The following UBA2 variants were observed in gnomAD, a reference collection of about 807,000 sequenced individuals.
The protein encoded by UBA2 is ubiquitin like modifier activating enzyme 2.
In UBA2, 11 loss-of-function variants were observed where a neutral mutation model predicts 77.2. The observed-to-expected ratio is 0.14, with a 90% CI of 0.09 to 0.24. UBA2 has a LOEUF of 0.24. UBA2 is among the 10% of genes least tolerant of loss of function. UBA2 has a pLI of 1.00. For synonymous variants in UBA2, 278 were observed against 276.7 expected (o/e 1.00, Z -0.05); for missense variants, 487 against 781.7 (o/e 0.62, Z 4.50).
At chr19:34,462,422 C>G (rs1351871882) in intron 14 of UBA2, among the ~76,000 whole-genome samples, 1 of 152,016 alleles carries the variant, frequency 6.6e-6, no homozygotes, top group Non-Finnish European at 1.5e-5. Context: ...GTGATGGTTC[C>G]AAGAGGTTTG....
chr19:34,451,541 T>TG (rs1568377663), intron 9 of UBA2, among the ~76,000 whole-genome samples: 2 of 118,414 alleles, frequency 1.7e-5, no homozygotes, highest in African/African-American at 3.3e-5. Flanking sequence ...TAACAGTTTT[T>TG]TTTTTTTTTT....
intron 16 of UBA2, among the ~76,000 whole-genome samples, chr19:34,468,388 A>G (rs1599941460): frequency 6.6e-6 from 1 of 152,150 alleles, no homozygotes. Context: ...AGATTTTCCA[A>G]AATCATAATT....
chr19:34,450,649 A>T (rs565865975), intron 9 of UBA2, among the ~76,000 whole-genome samples: 1 of 151,968 alleles, frequency 6.6e-6, no homozygotes, highest in Admixed American at 6.6e-5. Context: ...TGCTTTTGTC[A>T]GTCAGTATAG....
chr19:34,444,885 T>G (rs1328526504), intron 7 of UBA2, 115 bp from the exon 8 acceptor site: 1 of 1,013,874 alleles, frequency 9.9e-7, no homozygotes, highest in Non-Finnish European at 1.4e-6. Flanking sequence ...GAACTCAGAA[T>G]GTGTTGCATT....
At chr19:34,431,274 T>G (rs1164298533) in intron 2 of UBA2, among the ~76,000 whole-genome samples, 1 of 108,498 alleles carries the variant, frequency 9.2e-6, no homozygotes, top group Non-Finnish European at 1.8e-5. Flanking sequence ...TTTTTAGAGA[T>G]AGGGTCTCAC....
chr19:34,443,856 GGAA>G lies in UBA2; in HGVS notation c.600_602del (p.Glu200del). 6.2e-7 allele frequency: 1 copy of G among 1,606,906 alleles called. No homozygotes were observed. The highest frequency in any genetic ancestry group is 8.5e-7 in the Non-Finnish European group (1 of 1,173,724). On this transcript the variant is annotated inframe_deletion, in exon 7 of 17. Transcript: ENST00000246548. ...TCTTAAATTATAGCCAGTTGTTTGG[GGAA>G]GAAGATGCTGATCAAGAAGTATCTC...
chr19:34,452,184 C>A, intron 10 of UBA2, 37 bp downstream of exon 10: 5 of 1,491,376 alleles, frequency 3.4e-6, no homozygotes, highest in South Asian at 2.7e-5. Context: ...ACTTACATGT[C>A]AAAAGTGTGT....
intron 16 of UBA2, 43 bp from the exon 17 acceptor site, chr19:34,468,997 C>A: frequency 1.3e-6 from 2 of 1,531,478 alleles, no homozygotes; most frequent in Non-Finnish European, 8.8e-7. Context: ...AGGTAACTCC[C>A]ACGCTTTTAC....
chr19:34,460,331 C>T (rs879569390), intron 13 of UBA2, 139 bp from the exon 14 acceptor site: 1 of 635,178 alleles, frequency 1.6e-6, no homozygotes. Flanking sequence ...CCTGCTTGCT[C>T]TAAGGGATCT....
At chr19:34,437,338 G>C (rs1465129770) in intron 5 of UBA2, among the ~76,000 whole-genome samples, 1 of 151,386 alleles carries the variant, frequency 6.6e-6, no homozygotes, top group Non-Finnish European at 1.5e-5. Flanking sequence ...GGCTGGGCAT[G>C]GTGGCTTACG....
chr19:34,448,625 A>T (rs3787034), intron 8 of UBA2, among the ~76,000 whole-genome samples: 100,791 of 151,918 alleles, frequency 0.66, 36,725 homozygotes, highest in Non-Finnish European at 0.82. Context: ...TGGGAGGCAG[A>T]TGTGTGTAGA....
At chr19:34,447,093 C>T (rs1370320517) in intron 8 of UBA2, among the ~76,000 whole-genome samples, 35 of 152,080 alleles carry the variant, frequency 2.3e-4, no homozygotes. Context: ...AGCTGAGGAG[C>T]AAGGAGAGCC....
intron 16 of UBA2, among the ~76,000 whole-genome samples, chr19:34,468,526 A>G (rs1166711414): frequency 6.6e-6 from 1 of 152,160 alleles, no homozygotes; most frequent in Non-Finnish European, 1.5e-5. Context: ...TCAGTTCTGC[A>G]TTGGGGATGG....
chr19:34,439,124 C>T (rs1401997267), intron 6 of UBA2, among the ~76,000 whole-genome samples: 1 of 151,202 alleles, frequency 6.6e-6, no homozygotes, highest in African/African-American at 2.4e-5. Context: ...AAGAGAATTG[C>T]TTGAACCCAG....
intron 5 of UBA2, 108 bp from the exon 6 acceptor site, chr19:34,438,537 C>T (rs1184318755): frequency 1.9e-5 from 26 of 1,368,222 alleles, no homozygotes; most frequent in Non-Finnish European, 2.5e-5. Flanking sequence ...ATTTCCTTGA[C>T]AACGTAAAAC....
At chr19:34,448,180 T>C (rs865954677) in intron 8 of UBA2, among the ~76,000 whole-genome samples, 1 of 152,116 alleles carries the variant, frequency 6.6e-6, no homozygotes, top group African/African-American at 2.4e-5. Flanking sequence ...TCTGGGACAG[T>C]GCCCCTGGAG....
chr19:34,431,244 C>CTTTTTTTT lies in UBA2; in HGVS notation c.223-600_223-593dup, dbSNP rs1184297228. Among the ~76,000 whole-genome samples the CTTTTTTTT allele has an allele frequency of 7.1e-3, 494 of 69,386 alleles. 20 individuals are homozygous for CTTTTTTTT. Among genetic ancestry groups the CTTTTTTTT allele is most frequent in the Non-Finnish European group, 8.9e-3 (360 of 40,500 alleles). 45.5% of individuals were successfully genotyped at this position (69,386 alleles called of 152,430 possible). On this transcript the variant is annotated intron_variant, in intron 2 of 16. Coordinates refer to ENST00000246548, the MANE Select transcript of UBA2 (RefSeq NM_005499.3). Reference sequence around the variant, plus strand: ...TTTACTTTTCCTATCATTTTCTTTTCTTTTTTTTTTTTTTTTTTTTTTTTA... The same window carrying CTTTTTTTT: ...TTTACTTTTCCTATCATTTTCTTTTCTTTTTTTTTTTTTTTTTTTTTTTTTTTTTTTTA...
At chr19:34,445,964 G>GT (rs946126344) in intron 8 of UBA2, among the ~76,000 whole-genome samples, 1 of 152,080 alleles carries the variant, frequency 6.6e-6, no homozygotes, top group Non-Finnish European at 1.5e-5. Flanking sequence ...TGTTTTAAAA[G>GT]TTTTTTTGTT....
intron 1 of UBA2, 21 bp from the exon 2 acceptor site, chr19:34,430,555 C>T (rs776350927): frequency 1.9e-6 from 3 of 1,586,988 alleles, no homozygotes; most frequent in Admixed American, 3.4e-5. Context: ...TGTCATTTAT[C>T]TGGGGTTTAT....
Sources: allele counts gnomAD v4.1 joint callset (sites outside exome capture counted in the v4.1 genomes callset), GRCh38; gene constraint gnomAD v4.1.1; transcripts MANE v1.5; gene names NCBI Gene and HGNC (gene_info 2026-07-23, HGNC 2026-07-21).